PDE1C: variants seen among roughly 807,000 people sequenced by gnomAD.
The protein encoded by PDE1C is phosphodiesterase 1C.
In PDE1C, 62 loss-of-function variants were observed where a neutral mutation model predicts 93.1. The ratio of observed to expected loss-of-function variants is 0.67; its 90% CI spans 0.54 to 0.82. The LOEUF is 0.82. Among genes scored for constraint, PDE1C ranks in the 40% least tolerant of loss-of-function variants. PDE1C has a pLI of 0.00. For synonymous variants in PDE1C, 325 were observed against 310.1 expected (o/e 1.05, Z -0.50); for missense variants, 742 against 884.6 (o/e 0.84, Z 2.04).
intron 2 of PDE1C, among the ~76,000 whole-genome samples, chr7:32,042,212 A>C (rs536734785): frequency 1.1e-4 from 17 of 152,318 alleles, no homozygotes; most frequent in Non-Finnish European, 2.4e-4. Flanking sequence ...AGACAGGAGA[A>C]TCGCTTGAAC....
At chr7:32,071,288 G>A (rs1796033880), upstream of PDE1C, 7 of 985,442 alleles carry the variant, frequency 7.1e-6, no homozygotes, top group Non-Finnish European at 8.4e-6. Flanking sequence ...CAGAAGCCGC[G>A]AGGCTTCGCG....
At chr7:32,169,517 C>CTG (rs1802512872) in intron 3 of PDE1C, among the ~76,000 whole-genome samples, 4 of 152,188 alleles carry the variant, frequency 2.6e-5, no homozygotes, top group Admixed American at 2.6e-4. Flanking sequence ...AAATTGCCAA[C>CTG]ATCAGTAAAT....
chr7:32,085,797 TCAA>T (rs1258867282), intron 3 of PDE1C, among the ~76,000 whole-genome samples: 2 of 151,518 alleles, frequency 1.3e-5, no homozygotes, highest in South Asian at 4.2e-4. Flanking sequence ...TTGACAAAAT[TCAA>T]CAACATTTCA....
At chr7:32,174,987 G>A (rs552093707) in intron 2 of PDE1C, among the ~76,000 whole-genome samples, 4 of 152,160 alleles carry the variant, frequency 2.6e-5, no homozygotes, top group East Asian at 3.9e-4. Context: ...CTTTTTCACC[G>A]TTTTCTCAGT....
intron 6 of PDE1C, among the ~76,000 whole-genome samples, 157 bp downstream of exon 6, chr7:31,873,135 C>G (rs549983654): frequency 1.3e-3 from 199 of 152,340 alleles, no homozygotes; most frequent in Non-Finnish European, 2.2e-3. Context: ...TCACCCTCCA[C>G]AGAGGAATTC....
chr7:32,242,928 G>C (rs1199109862), intron 1 of PDE1C, among the ~76,000 whole-genome samples: 1 of 152,198 alleles, frequency 6.6e-6, no homozygotes, highest in African/African-American at 2.4e-5. Context: ...GGAAGGTTTA[G>C]GGGAATAAGG....
At chr7:31,658,129 C>G in the PDE1C span, 1 of 527,426 alleles carries the variant, frequency 1.9e-6, no homozygotes, top group Middle Eastern at 3.2e-4. Context: ...AAAGATGAAA[C>G]CTTGAGGGTT....
At chr7:32,302,080 A>G (rs150859662), upstream of PDE1C, among the ~76,000 whole-genome samples, 137 of 152,356 alleles carry the variant, frequency 9.0e-4, 2 homozygotes, top group East Asian at 0.025. Context: ...GCCATTGTTC[A>G]GTAGCTGTGC....
At chr7:32,093,458 C>T (rs945572141) in intron 3 of PDE1C, among the ~76,000 whole-genome samples, 3 of 152,210 alleles carry the variant, frequency 2.0e-5, no homozygotes, top group Non-Finnish European at 2.9e-5. Flanking sequence ...GACTCATTTA[C>T]CCAAGGACTC....
the PDE1C span, chr7:31,695,524 G>C: frequency 6.2e-7 from 1 of 1,613,420 alleles, no homozygotes; most frequent in Non-Finnish European, 8.5e-7. Flanking sequence ...AGCCTAGAAA[G>C]GGAAAAAATG....
chr7:32,422,205 G>T (rs898752874), intron 1 of PDE1C, among the ~76,000 whole-genome samples: 8 of 152,284 alleles, frequency 5.3e-5, no homozygotes, highest in African/African-American at 1.4e-4. Context: ...TTAACTCAGC[G>T]CAGGGACACA....
chr7:32,349,243 A>G (rs1436526146), intron 1 of PDE1C, among the ~76,000 whole-genome samples: 1 of 152,246 alleles, frequency 6.6e-6, no homozygotes, highest in Non-Finnish European at 1.5e-5. Context: ...TGAACCCTGC[A>G]GCACACCAAG....
At chr7:32,250,964 C>T (rs568317767) in intron 1 of PDE1C, among the ~76,000 whole-genome samples, 5 of 152,188 alleles carry the variant, frequency 3.3e-5, no homozygotes, top group Non-Finnish European at 5.9e-5. Context: ...TGCCAGATGG[C>T]GACATTTGTA....
intron 17 of PDE1C, among the ~76,000 whole-genome samples, chr7:31,770,594 C>T (rs1795423103): frequency 1.3e-5 from 2 of 152,166 alleles, no homozygotes; most frequent in African/African-American, 4.8e-5. Context: ...TCACTGCAAC[C>T]TCCACCTCCT....
the PDE1C span, among the ~76,000 whole-genome samples, chr7:31,688,323 C>A: frequency 6.6e-6 from 1 of 152,188 alleles, no homozygotes; most frequent in African/African-American, 2.4e-5. Flanking sequence ...TTGGCTTCTA[C>A]CTTATATTGA....
In PDE1C at chr7:32,205,746, G is replaced by A. The variant is rs549923869; in HGVS notation, c.136+3743C>T. Reference sequence around the variant, plus strand: ...ACACTCATTCTGCAGTTTCACTCCTGAAGCCAGCGAGACCATGAAGCAACC... The same window carrying A: ...ACACTCATTCTGCAGTTTCACTCCTAAAGCCAGCGAGACCATGAAGCAACC... On this transcript the variant is annotated intron_variant, in intron 2 of 18. Transcript: ENST00000396193. Among the ~76,000 whole-genome samples the A allele has an allele frequency of 4.7e-3, 711 of 152,174 alleles. 1 individual carries two copies. Among genetic ancestry groups the A allele is most frequent in the Non-Finnish European group, 6.1e-3 (414 of 68,010 alleles).
At chr7:32,297,463 G>T (rs1040468061) in intron 1 of PDE1C, among the ~76,000 whole-genome samples, 1 of 152,084 alleles carries the variant, frequency 6.6e-6, no homozygotes, top group African/African-American at 2.4e-5. Flanking sequence ...AAAGGCTGAC[G>T]TCCCAAAAAG....
intron 2 of PDE1C, among the ~76,000 whole-genome samples, chr7:31,956,111 C>CTTT (rs67549702): frequency 6.7e-6 from 1 of 148,772 alleles, no homozygotes; most frequent in African/African-American, 2.5e-5. Context: ...TTTCTCCCCG[C>CTTT]TTTTTTTTTT....
intron 17 of PDE1C, among the ~76,000 whole-genome samples, chr7:31,766,807 G>T (rs950530138): frequency 6.6e-6 from 1 of 152,168 alleles, no homozygotes; most frequent in Non-Finnish European, 1.5e-5. Flanking sequence ...ACCATTAATA[G>T]GAGAATGATT....
Sources: allele counts gnomAD v4.1 joint callset (sites outside exome capture counted in the v4.1 genomes callset), GRCh38; gene constraint gnomAD v4.1.1; transcripts MANE v1.5; gene names NCBI Gene and HGNC (gene_info 2026-07-23, HGNC 2026-07-21).